Variants in MAPK8IP3 observed in about 807,000 individuals in gnomAD.
MAPK8IP3 encodes C-Jun-amino-terminal kinase-interacting protein 3.
A neutral mutation model predicts 157.8 loss-of-function variants in MAPK8IP3; 49 were observed. The observed-to-expected ratio is 0.31, with a 90% CI of 0.25 to 0.39. MAPK8IP3 has a LOEUF of 0.39. Among genes scored for constraint, MAPK8IP3 ranks in the 10% least tolerant of loss-of-function variants. The probability of loss-of-function intolerance (pLI) is 1.00; values close to 1 mark genes in which losing one functional copy is unlikely to be tolerated. For missense variants in MAPK8IP3, 1,478 were observed against 1,889.4 expected (o/e 0.78, Z 4.04); for synonymous variants, 897 against 777.7 (o/e 1.15, Z -2.55).
At chr16:1,707,615 G>C (rs955988461) in intron 1 of MAPK8IP3, 1 of 152,236 alleles carries the variant, frequency 6.6e-6, no homozygotes, top group Non-Finnish European at 1.5e-5. Context: ...TGTGGGCCCA[G>C]AACCTCGCCC....
chr16:1,738,997 T>TGTGA (rs2040365962), intron 4 of MAPK8IP3, among the ~76,000 whole-genome samples: 1 of 138,652 alleles, frequency 7.2e-6, no homozygotes, highest in Non-Finnish European at 1.5e-5. Flanking sequence ...TGAGCATCCG[T>TGTGA]GTGTGTGACC....
chr16:1,740,361 A>G (rs1419167919), intron 4 of MAPK8IP3, among the ~76,000 whole-genome samples: 4 of 143,328 alleles, frequency 2.8e-5, no homozygotes, highest in Non-Finnish European at 4.6e-5. Context: ...TGAGCGTGCA[A>G]CCGTCTGTGT....
chr16:1,712,988 T>C (rs2142279589), intron 1 of MAPK8IP3, among the ~76,000 whole-genome samples: 1 of 152,346 alleles, frequency 6.6e-6, no homozygotes, highest in South Asian at 2.1e-4. Context: ...GTTGTTTCCT[T>C]TTCTCGGCAC....
chr16:1,725,020 G>A (rs985724370), intron 2 of MAPK8IP3, among the ~76,000 whole-genome samples: 1 of 152,134 alleles, frequency 6.6e-6, no homozygotes, highest in Admixed American at 6.5e-5. Context: ...ACACTGCTGA[G>A]GAGTGATGGC....
rs748444645 is a variant in MAPK8IP3, at chr16:1,763,005, G to C, written c.1897G>C (p.Asp633His). The change falls in exon 16 of 32, where the codon GAC becomes CAC. Residue 633 changes from aspartate (D) to histidine (H), a missense_variant and splice_region_variant. Coordinates refer to ENST00000610761, the MANE Select transcript of MAPK8IP3 (RefSeq NM_001318852.2). ...GSRPLEFFPDDDCTSSARREQ... is the reference protein window; with the variant it reads ...GSRPLEFFPDHDCTSSARREQ... ...CCGGCCCCTGGAATTCTTCCCTGAC[G>C]AGTGAGTGTCCCGCAGCCCCCACTT... 6 of 1,612,752 alleles carry C rather than the reference G, an allele frequency of 3.7e-6. No homozygotes were observed. The highest frequency in any genetic ancestry group is 5.1e-6 in the Non-Finnish European group (6 of 1,179,910).
chr16:1,768,666 G>C (rs753599366), intron 31 of MAPK8IP3, 37 bp from the exon 32 acceptor site: 7 of 1,610,912 alleles, frequency 4.3e-6, no homozygotes, highest in Non-Finnish European at 5.9e-6. Context: ...TTGGGCGCGG[G>C]GGGAGCCTGG....
chr16:1,769,982 C>A lies in MAPK8IP3; in HGVS notation c.*1158C>A, dbSNP rs1323558890. 1 of 152,376 alleles carries A rather than the reference C, an allele frequency of 6.6e-6. No homozygotes were observed. Among genetic ancestry groups the A allele is most frequent in the African/African-American group, 2.4e-5 (1 of 41,444 alleles). The allele number at this position is 152,376 out of a possible 1,614,324, so 9.4% of individuals were successfully genotyped here. On this transcript the variant is annotated 3_prime_UTR_variant, in exon 32 of 32. Transcript: ENST00000610761. ...GGCCTCTCTGGCCTATTCCTACCTT[C>A]CAGGCCCACTGCACTCCTGTCTGGG... is the stretch of plus-strand genomic sequence containing the variant.
At chr16:1,728,113 G>A (rs576008477) in intron 2 of MAPK8IP3, among the ~76,000 whole-genome samples, 20 of 152,240 alleles carry the variant, frequency 1.3e-4, no homozygotes, top group Non-Finnish European at 2.8e-4. Context: ...CCGGGGGCAC[G>A]CATGCACCAT....
intron 1 of MAPK8IP3, among the ~76,000 whole-genome samples, chr16:1,713,296 C>A (rs1394799417): frequency 6.6e-6 from 1 of 152,214 alleles, no homozygotes; most frequent in African/African-American, 2.4e-5. Flanking sequence ...GTTGCCCAGG[C>A]TGGTCTCAAA....
chr16:1,735,722 ACCGT>A (rs1192868080), intron 4 of MAPK8IP3, among the ~76,000 whole-genome samples: 1 of 105,522 alleles, frequency 9.5e-6, no homozygotes, highest in South Asian at 3.2e-4. Context: ...CATCCGTGTG[ACCGT>A]CCATGTGAGA....
Position 1,743,829 on chromosome 16 carries a change from C to G in MAPK8IP3, c.747+353C>G. ...CCACACCCCCACATAAAGCCTCATG[C>G]TCACCCGGGCTCCAGCCAGACACAT... On this transcript the variant is annotated intron_variant, in intron 5 of 31. Transcript: ENST00000610761. This position sits in a 1 kb window ranked among gnomAD's most constrained non-coding sequence, Gnocchi z 5.6. The G allele has an allele frequency of 8.7e-7, 1 of 1,143,012 alleles. No individual in the cohort carries two copies. The highest frequency in any genetic ancestry group is 1.1e-6 in the Non-Finnish European group (1 of 927,644). The allele number at this position is 1,143,012 out of a possible 1,614,324, so 70.8% of individuals were successfully genotyped here. A position where few individuals can be genotyped will look rare whatever the true frequency, so the allele number is the denominator to read the frequency against.
intron 1 of MAPK8IP3, among the ~76,000 whole-genome samples, chr16:1,712,908 G>A (rs377417911): frequency 5.3e-5 from 8 of 152,212 alleles, no homozygotes; most frequent in African/African-American, 1.4e-4. Context: ...CCTCTCTCCC[G>A]GCTTCCGCAA....
At chr16:1,763,973 C>T in intron 17 of MAPK8IP3, 142 bp from the exon 18 acceptor site, 1 of 1,057,252 alleles carries the variant, frequency 9.5e-7, no homozygotes, top group South Asian at 1.7e-5. Context: ...GAGAAGGAGC[C>T]CCGCGGCTCC....
At position 1,708,437 on chromosome 16, in the gene MAPK8IP3, T is replaced by G. The variant is rs187085327; in HGVS notation, c.318+1780T>G. Among the ~76,000 whole-genome samples, 352 of 152,298 alleles carry G rather than the reference T, an allele frequency of 2.3e-3. 1 individual carries two copies. The highest frequency in any genetic ancestry group is 2.2e-3 in the Non-Finnish European group (149 of 68,016). On this transcript the variant is annotated intron_variant, in intron 1 of 31. Coordinates refer to ENST00000610761, the MANE Select transcript of MAPK8IP3 (RefSeq NM_001318852.2). The stretch of plus-strand genomic sequence containing the variant: ...TTCAGGTGGGTTTCTTTTTTTCACC[T>G]TGTACCTGTGTGGTCAGTATAGTGG...
chr16:1,726,379 C>A (rs1256067326), intron 2 of MAPK8IP3, among the ~76,000 whole-genome samples: 1 of 152,176 alleles, frequency 6.6e-6, no homozygotes, highest in Non-Finnish European at 1.5e-5. Flanking sequence ...AACATAAGCT[C>A]AAATTACAGG....
chr16:1,738,322 A>G (rs111163757), intron 4 of MAPK8IP3, among the ~76,000 whole-genome samples: 152 of 46,422 alleles, frequency 3.3e-3, no homozygotes, highest in Admixed American at 6.6e-3. Flanking sequence ...CCGTGTGAGC[A>G]TCCGTGAGCG....
Position 1,748,485 on chromosome 16 carries a change from C to T in MAPK8IP3, c.1098-117C>T, listed in dbSNP as rs943311223. 5.2e-6 allele frequency: 6 copies of T among 1,143,578 alleles called. No homozygotes were observed. In the East Asian group the frequency reaches 7.5e-5, roughly 14 times the overall value. The allele number at this position is 1,143,578 out of a possible 1,614,324, so 70.8% of individuals were successfully genotyped here. On this transcript the variant is annotated intron_variant, in intron 7 of 31. Transcript: ENST00000610761. ...ACCGCCTCCATCCACGACCGGCCTG[C>T]AGGGCAGTGTGGGCATTGAATGGCC...
rs1000086819 is a variant in MAPK8IP3, at chr16:1,748,727, G to A, written c.1216+7G>A. On this transcript the variant is annotated splice_region_variant and intron_variant, in intron 8 of 31. Transcript: ENST00000610761. ...GAAGGGGCCGACCTCCTAGGTAAGC[G>A]CAAGCCTTCCCCCGCACCGCTGTGC... 13 of 1,608,396 alleles carry A rather than the reference G, an allele frequency of 8.1e-6. No homozygotes were observed. Among genetic ancestry groups the A allele is most frequent in the Non-Finnish European group, 1.0e-5 (12 of 1,174,950 alleles).
At chr16:1,756,257 G>A (rs2141898229) in intron 8 of MAPK8IP3, among the ~76,000 whole-genome samples, 1 of 152,372 alleles carries the variant, frequency 6.6e-6, no homozygotes, top group Admixed American at 6.5e-5. Flanking sequence ...AACCAGGCCA[G>A]GGGCGGTGGC....
Sources: allele counts gnomAD v4.1 joint callset (sites outside exome capture counted in the v4.1 genomes callset), GRCh38; gene constraint gnomAD v4.1.1; non-coding constraint Gnocchi (gnomAD v3.1); transcripts MANE v1.5; gene names NCBI Gene and HGNC (gene_info 2026-07-23, HGNC 2026-07-21).